Variants in SLC14A2 observed in about 807,000 individuals in gnomAD.
SLC14A2 encodes the protein urea transporter 2.
A neutral mutation model predicts 104.6 loss-of-function variants in SLC14A2; 91 were observed. That is an observed-to-expected ratio of 0.87 (90% CI 0.73 to 1.04). SLC14A2 has a LOEUF of 1.04. SLC14A2 is among the 50% of genes least tolerant of loss of function. SLC14A2 has a pLI of 0.00. For synonymous variants in SLC14A2, 476 were observed against 466.4 expected, an observed-to-expected ratio of 1.02 and a Z score of -0.27; for missense variants, 1,189 against 1,156.0, an observed-to-expected ratio of 1.03 and a Z score of -0.41.
chr18:45,421,028 C>A (rs572753314), intron 1 of SLC14A2, among the ~76,000 whole-genome samples: 2 of 152,048 alleles, frequency 1.3e-5, no homozygotes, highest in Non-Finnish European at 2.9e-5. Context: ...CATGAGCCAC[C>A]GCACCCGGCC....
At chr18:45,374,021 C>T (rs892952759) in intron 1 of SLC14A2, among the ~76,000 whole-genome samples, 2 of 152,194 alleles carry the variant, frequency 1.3e-5, no homozygotes, top group African/African-American at 4.8e-5. Flanking sequence ...CTCTATTTCA[C>T]ATTAGCCATC....
At chr18:45,426,694 T>TACACAC (rs1328486756) in intron 1 of SLC14A2, among the ~76,000 whole-genome samples, 1,054 of 90,246 alleles carry the variant, frequency 0.012, 13 homozygotes, top group African/African-American at 0.035. Flanking sequence ...CATATATACA[T>TACACAC]ACATACACAC....
At chr18:45,488,743 C>G (rs373194054) in intron 2 of SLC14A2, among the ~76,000 whole-genome samples, 2 of 152,168 alleles carry the variant, frequency 1.3e-5, no homozygotes, top group East Asian at 1.9e-4. Context: ...AGGGGAAGTG[C>G]TCTCACATTA....
chr18:45,362,460 G>A (rs1474697362), intron 1 of SLC14A2, among the ~76,000 whole-genome samples: 1 of 152,204 alleles, frequency 6.6e-6, no homozygotes, highest in Non-Finnish European at 1.5e-5. Flanking sequence ...CAATGTGAGA[G>A]TCAGCAGGGC....
chr18:45,363,524 A>G (rs1030314929), intron 1 of SLC14A2, among the ~76,000 whole-genome samples: 4 of 152,110 alleles, frequency 2.6e-5, no homozygotes, highest in Non-Finnish European at 4.4e-5. Context: ...GTGAGAATGT[A>G]CCCAGGCTGT....
At position 45,667,830 on chromosome 18, in the gene SLC14A2, C is replaced by T; in HGVS notation, c.1718-3C>T. ...CCTACTTCCTGCCCCGGTTCCATTT[C>T]AGACAAGTCCCCAGTGTTCCAGTTC... is the stretch of plus-strand genomic sequence containing the variant. On this transcript the variant is annotated splice_polypyrimidine_tract_variant and splice_region_variant and intron_variant, in intron 13 of 19. Coordinates refer to ENST00000255226, the MANE Select transcript of SLC14A2 (RefSeq NM_007163.4). The T allele has an allele frequency of 6.2e-7, 1 of 1,613,660 alleles. No homozygotes were observed. The highest frequency in any genetic ancestry group is 8.5e-7 in the Non-Finnish European group (1 of 1,179,548).
intron 2 of SLC14A2, among the ~76,000 whole-genome samples, chr18:45,517,424 C>T (rs1805520179): frequency 6.6e-6 from 1 of 152,146 alleles, no homozygotes; most frequent in South Asian, 2.1e-4. Flanking sequence ...CCAAAGCAAG[C>T]CCTGTTGTGG....
intron 1 of SLC14A2, among the ~76,000 whole-genome samples, chr18:45,447,074 T>C (rs1336938036): frequency 6.6e-6 from 1 of 152,060 alleles, no homozygotes; most frequent in Non-Finnish European, 1.5e-5. Context: ...GGCTGCTTCA[T>C]GTGCTTGTTC....
At chr18:45,206,207 C>T in the SLC14A2 span, among the ~76,000 whole-genome samples, 1 of 152,260 alleles carries the variant, frequency 6.6e-6, no homozygotes, top group South Asian at 2.1e-4. Context: ...ACGTAGTGTT[C>T]CATGTAGCCC....
chr18:45,506,275 C>G (rs1317401609), intron 2 of SLC14A2, among the ~76,000 whole-genome samples: 1 of 152,098 alleles, frequency 6.6e-6, no homozygotes, highest in Non-Finnish European at 1.5e-5. Context: ...CTTCTTCTCC[C>G]CATCAAACCC....
chr18:45,402,091 G>T (rs2086102303), intron 1 of SLC14A2, among the ~76,000 whole-genome samples: 1 of 152,094 alleles, frequency 6.6e-6, no homozygotes, highest in Non-Finnish European at 1.5e-5. Flanking sequence ...AAGAAGTGAT[G>T]ATACGGGTAC....
chr18:45,233,229 G>C (rs758015347), intron 1 of SLC14A2, among the ~76,000 whole-genome samples: 3 of 152,168 alleles, frequency 2.0e-5, no homozygotes, highest in Non-Finnish European at 4.4e-5. Flanking sequence ...CACTGAAGAA[G>C]GGATTCCTGT....
intron 1 of SLC14A2, among the ~76,000 whole-genome samples, chr18:45,472,292 T>C (rs1284468787): frequency 6.6e-6 from 1 of 152,208 alleles, no homozygotes; most frequent in Non-Finnish European, 1.5e-5. Context: ...GGCATTTGGG[T>C]GGGTTCCAAG....
At chr18:45,521,858 T>C (rs1341005195) in intron 2 of SLC14A2, among the ~76,000 whole-genome samples, 3 of 151,934 alleles carry the variant, frequency 2.0e-5, no homozygotes, top group East Asian at 3.9e-4. Flanking sequence ...CAGGAAGGGG[T>C]GTGGCTGATT....
chr18:45,656,650 C>T (rs2045842141), intron 10 of SLC14A2, among the ~76,000 whole-genome samples: 1 of 152,090 alleles, frequency 6.6e-6, no homozygotes, highest in Non-Finnish European at 1.5e-5. Flanking sequence ...AGTCTGGTGT[C>T]CCGCAGTTAG....
At chr18:45,196,474 T>C in the SLC14A2 span, among the ~76,000 whole-genome samples, 1 of 152,262 alleles carries the variant, frequency 6.6e-6, no homozygotes, top group African/African-American at 2.4e-5. Context: ...AAAGAAATTA[T>C]GCAGTAAGGT....
chr18:45,609,794 A>G (rs569512646), intron 2 of SLC14A2, among the ~76,000 whole-genome samples: 1 of 152,278 alleles, frequency 6.6e-6, no homozygotes, highest in East Asian at 1.9e-4. Flanking sequence ...ACCACCTATA[A>G]CTAGATTCCT....
chr18:45,249,238 T>C (rs2084397232), intron 1 of SLC14A2, among the ~76,000 whole-genome samples: 1 of 152,014 alleles, frequency 6.6e-6, no homozygotes, highest in African/African-American at 2.4e-5. Flanking sequence ...GTTTCCTTCA[T>C]TAAAAACTAT....
At chr18:45,626,020 T>C (rs997558844) in intron 3 of SLC14A2, among the ~76,000 whole-genome samples, 157 bp downstream of exon 3, 1 of 152,152 alleles carries the variant, frequency 6.6e-6, no homozygotes. Flanking sequence ...AGTCCACAGC[T>C]GGGGGAACTT....
Sources: gnomAD v4.1 joint callset for allele counts (sites outside exome capture counted in the v4.1 genomes callset) on GRCh38, gnomAD v4.1.1 for gene constraint, MANE v1.5 for transcripts, NCBI Gene and HGNC (gene_info 2026-07-23, HGNC 2026-07-21) for gene names.